Variants in ZNF777 observed in about 807,000 individuals in gnomAD.
ZNF777 encodes zinc finger protein 777.
A neutral mutation model predicts 72.1 loss-of-function variants in ZNF777; 7 were observed. The observed-to-expected ratio is 0.10, with a 90% CI of 0.06 to 0.18. The LOEUF (loss-of-function observed/expected upper bound fraction) is 0.18, where lower values mean the gene tolerates loss of function less well. Ranked by LOEUF, ZNF777 falls within the 10% of genes least tolerant of loss-of-function variation. The pLI is 1.00. For missense variants in ZNF777, 828 were observed against 1,128.6 expected, an observed-to-expected ratio of 0.73 and a Z score of 3.82; for synonymous variants, 545 against 483.5, an observed-to-expected ratio of 1.13 and a Z score of -1.67.
At position 149,431,549 on chromosome 7, in the gene ZNF777, TC is replaced by T. The variant is rs1193084536; in HGVS notation, c.*226del. On this transcript the variant is annotated 3_prime_UTR_variant, in exon 6 of 6. Coordinates refer to ENST00000247930, the MANE Select transcript of ZNF777 (RefSeq NM_015694.3). ...AAGGAAATTAACAGCCCGAAAGGGT[TC>T]CCCAGGTCCGCGCCCTCCCCCCTGG... The T allele has an allele frequency of 6.5e-6, 3 of 461,508 alleles. No homozygotes were observed. The highest frequency in any genetic ancestry group is 8.5e-6 in the Non-Finnish European group (2 of 234,814). 28.6% of individuals were successfully genotyped at this position (461,508 alleles called of 1,614,324 possible). A position where few individuals can be genotyped will look rare whatever the true frequency, so the allele number is the denominator to read the frequency against.
At position 149,433,955 on chromosome 7, in the gene ZNF777, C is replaced by T. The variant is rs1475186800; in HGVS notation, c.1340-1023G>A. Among the ~76,000 whole-genome samples, 3 of 152,206 alleles carry T rather than the reference C, an allele frequency of 2.0e-5. No homozygotes were observed. The East Asian group carries it at 5.8e-4, about 29-fold the overall frequency. ...CATAAGAAAGTCACTTCTCTGGACC[C>T]ATCTGTGACAGAAGACACAAAAATT... On this transcript the variant is annotated intron_variant, in intron 5 of 5. Coordinates refer to ENST00000247930, the MANE Select transcript of ZNF777 (RefSeq NM_015694.3).
chr7:149,451,236 C>T (rs1468332581), intron 3 of ZNF777, 124 bp from the exon 4 acceptor site: 10 of 773,252 alleles, frequency 1.3e-5, no homozygotes, highest in South Asian at 6.7e-5. Context: ...AATGGAAAAC[C>T]GCCAAGTCTC....
At chr7:149,454,925 A>G (rs1799793112) in intron 2 of ZNF777, among the ~76,000 whole-genome samples, 1 of 152,164 alleles carries the variant, frequency 6.6e-6, no homozygotes, top group Non-Finnish European at 1.5e-5. Flanking sequence ...TTGCCTTCGT[A>G]GTCTCTCACA....
intron 1 of ZNF777, chr7:149,459,654 C>T: frequency 1.0e-6 from 1 of 985,226 alleles, no homozygotes; most frequent in Non-Finnish European, 1.2e-6. Context: ...CCACGGATGC[C>T]TTGCTACGTG....
Position 149,431,720 on chromosome 7 carries a change from T to G in ZNF777, c.*56A>C, listed in dbSNP as rs1393605323. On this transcript the variant is annotated 3_prime_UTR_variant, in exon 6 of 6. Transcript: ENST00000247930. ...CCCGCTGGGCTCGGGCCTGGCGGTG[T>G]CCGAGGGGGGGCACGGCCCGCGCAC... 1.6e-6 allele frequency: 2 copies of G among 1,240,950 alleles called. No homozygotes were observed. Among genetic ancestry groups the G allele is most frequent in the African/African-American group, 1.7e-5 (1 of 59,878 alleles). 76.9% of individuals were successfully genotyped at this position (1,240,950 alleles called of 1,614,324 possible).
chr7:149,447,732 C>T (rs1438647522), intron 4 of ZNF777, among the ~76,000 whole-genome samples: 1 of 152,214 alleles, frequency 6.6e-6, no homozygotes, highest in East Asian at 1.9e-4. Context: ...CAGGTTTCCA[C>T]TAGAAATTCC....
Position 149,456,029 on chromosome 7 carries a change from C to T in ZNF777, c.-7G>A, listed in dbSNP as rs1799824383. The T allele has an allele frequency of 6.5e-7, 1 of 1,546,920 alleles. No homozygotes were observed. Among genetic ancestry groups the T allele is most frequent in the Non-Finnish European group, 8.7e-7 (1 of 1,145,426 alleles). On this transcript the variant is annotated 5_prime_UTR_variant, in exon 2 of 6. Transcript: ENST00000247930. The stretch of plus-strand genomic sequence containing the variant: ...ATGAGCGTTGGTTCTCCATGTCCAG[C>T]TGCTGAACCTGTGTTCATGGAAGAA...
chr7:149,443,487 C>G (rs1448915226), intron 4 of ZNF777, among the ~76,000 whole-genome samples: 1 of 152,202 alleles, frequency 6.6e-6, no homozygotes, highest in African/African-American at 2.4e-5. Context: ...TTAACTCTCT[C>G]TACCAGCTCA....
At chr7:149,456,183 AC>A in intron 1 of ZNF777, 146 bp from the exon 2 acceptor site, 1 of 737,578 alleles carries the variant, frequency 1.4e-6, no homozygotes. Flanking sequence ...TCTTCTAGAG[AC>A]CACAGCACCA....
intron 3 of ZNF777, among the ~76,000 whole-genome samples, chr7:149,452,107 T>G (rs1207830077): frequency 6.7e-6 from 1 of 150,212 alleles, no homozygotes; most frequent in Non-Finnish European, 1.5e-5. Flanking sequence ...CTACTAAAAA[T>G]ACAAAAAATT....
At chr7:149,442,098 T>G (rs1799528098) in intron 4 of ZNF777, among the ~76,000 whole-genome samples, 1 of 150,386 alleles carries the variant, frequency 6.6e-6, no homozygotes, top group Non-Finnish European at 1.5e-5. Context: ...GGGCCTGTGA[T>G]CCCAGCTACT....
chr7:149,446,077 A>C (rs1799597205), intron 4 of ZNF777, among the ~76,000 whole-genome samples: 1 of 151,978 alleles, frequency 6.6e-6, no homozygotes, highest in Non-Finnish European at 1.5e-5. Context: ...AAGTTTCTTC[A>C]CTCTTGTTTT....
intron 5 of ZNF777, among the ~76,000 whole-genome samples, chr7:149,434,830 C>T (rs977734724): frequency 3.9e-5 from 6 of 152,276 alleles, no homozygotes; most frequent in Admixed American, 1.3e-4. Context: ...TGATCCGATC[C>T]GCCTGCCCCA....
chr7:149,435,463 C>G (rs1799393823), intron 5 of ZNF777, among the ~76,000 whole-genome samples: 1 of 151,982 alleles, frequency 6.6e-6, no homozygotes, highest in Non-Finnish European at 1.5e-5. Context: ...GAGTCACTGC[C>G]CTGGGCCTAG....
chr7:149,450,211 G>A (rs1214546257), intron 4 of ZNF777, among the ~76,000 whole-genome samples: 1 of 152,178 alleles, frequency 6.6e-6, no homozygotes, highest in Non-Finnish European at 1.5e-5. Context: ...CAAAGCAGGG[G>A]CTTCAGAGAG....
rs1346844393 is a variant in ZNF777 at position 149,460,163 on chromosome 7, G to A, written c.-16+652C>T. 1 of 954,688 alleles carries A rather than the reference G, an allele frequency of 1.0e-6. No individual in the cohort carries two copies. Among genetic ancestry groups the A allele is most frequent in the African/African-American group, 1.8e-5 (1 of 56,196 alleles). 59.1% of individuals were successfully genotyped at this position (954,688 alleles called of 1,614,324 possible). A position where few individuals can be genotyped will look rare whatever the true frequency, so the allele number is the denominator to read the frequency against. On this transcript the variant is annotated intron_variant, in intron 1 of 5. Coordinates refer to ENST00000247930, the MANE Select transcript of ZNF777 (RefSeq NM_015694.3). The surrounding 1 kb of genome is among the most constrained non-coding windows in gnomAD (Gnocchi z 6.1). ...CTCGGCCATGGCCCTGCGCTGTCCG[G>A]CCCGGGCCCCCGGAGTCGCCGCCGC...
intron 4 of ZNF777, among the ~76,000 whole-genome samples, chr7:149,449,075 T>C (rs1799667594): frequency 6.6e-6 from 1 of 152,220 alleles, no homozygotes; most frequent in Admixed American, 6.5e-5. Flanking sequence ...GGCGCTTGGA[T>C]GGACAGGTTA....
intron 4 of ZNF777, among the ~76,000 whole-genome samples, chr7:149,445,709 T>G (rs1048363712): frequency 2.6e-5 from 4 of 152,182 alleles, no homozygotes; most frequent in African/African-American, 9.6e-5. Flanking sequence ...CTGGTGCCCA[T>G]GTCCAGAGAG....
chr7:149,447,592 T>C (rs1799627489), intron 4 of ZNF777, among the ~76,000 whole-genome samples: 6 of 152,166 alleles, frequency 3.9e-5, no homozygotes, highest in Admixed American at 3.9e-4. Flanking sequence ...CAACAGCCAC[T>C]TCTCTCTCAG....
Sources: allele counts gnomAD v4.1 joint callset (sites outside exome capture counted in the v4.1 genomes callset), GRCh38; gene constraint gnomAD v4.1.1; non-coding constraint Gnocchi (gnomAD v3.1); transcripts MANE v1.5; gene names NCBI Gene and HGNC (gene_info 2026-07-23, HGNC 2026-07-21).